The following NDUFB6 variants were observed in gnomAD, a reference collection of about 807,000 sequenced individuals.
NDUFB6 encodes NADH dehydrogenase [ubiquinone] 1 beta subcomplex subunit 6.
A neutral mutation model predicts 17.5 loss-of-function variants in NDUFB6; 23 were observed. The ratio of observed to expected loss-of-function variants is 1.31; its 90% CI spans 0.94 to 1.86. The LOEUF is 1.86. NDUFB6 is among the 40% of genes most tolerant of loss of function. The probability of loss-of-function intolerance (pLI) is 0.00; values close to 1 mark genes in which losing one functional copy is unlikely to be tolerated. For synonymous variants in NDUFB6, 60 were observed against 53.5 expected, an observed-to-expected ratio of 1.12 and a Z score of -0.53; for missense variants, 167 against 153.8, an observed-to-expected ratio of 1.09 and a Z score of -0.46.
At chr9:32,556,458 TCAA>T (rs1341066279) in intron 3 of NDUFB6, among the ~76,000 whole-genome samples, 1 of 152,224 alleles carries the variant, frequency 6.6e-6, no homozygotes, top group Non-Finnish European at 1.5e-5. Flanking sequence ...GTCTGTGATG[TCAA>T]CAAGAAATAA....
At chr9:32,556,091 G>A (rs78722312) in intron 3 of NDUFB6, among the ~76,000 whole-genome samples, 1 of 27,530 alleles carries the variant, frequency 3.6e-5, no homozygotes, top group Non-Finnish European at 9.8e-5. Flanking sequence ...ATTTGGGGCC[G>A]GGGTGCAATG....
intron 3 of NDUFB6, among the ~76,000 whole-genome samples, chr9:32,558,590 T>A (rs1198076754): frequency 6.6e-6 from 1 of 152,212 alleles, no homozygotes; most frequent in South Asian, 2.1e-4. Context: ...CTAAGCTCTT[T>A]ACCCAACATG....
chr9:32,560,187 C>T (rs553540972), intron 2 of NDUFB6, among the ~76,000 whole-genome samples: 9 of 152,312 alleles, frequency 5.9e-5, no homozygotes, highest in African/African-American at 2.2e-4. Context: ...CAATCCTTTA[C>T]CTACCAAAAT....
At chr9:32,557,456 C>T (rs1353033769) in intron 3 of NDUFB6, among the ~76,000 whole-genome samples, 1 of 151,220 alleles carries the variant, frequency 6.6e-6, no homozygotes, top group Non-Finnish European at 1.5e-5. Flanking sequence ...GGCATGAGCC[C>T]CCGATACCCC....
intron 2 of NDUFB6, chr9:32,568,742 A>ATTTTTT (rs1337982976): frequency 8.4e-6 from 1 of 119,584 alleles, no homozygotes; most frequent in African/African-American, 3.6e-5. Flanking sequence ...ATATATATAT[A>ATTTTTT]TATATATTTT....
intron 2 of NDUFB6, chr9:32,566,565 G>A (rs1821796206): frequency 1.3e-6 from 1 of 780,608 alleles, no homozygotes; most frequent in African/African-American, 1.7e-5. Flanking sequence ...GTACTGCACA[G>A]ACTGGAGCTT....
At chr9:32,554,829 T>C (rs1393833139) in intron 3 of NDUFB6, among the ~76,000 whole-genome samples, 1 of 152,132 alleles carries the variant, frequency 6.6e-6, no homozygotes, top group Non-Finnish European at 1.5e-5. Context: ...AAGATAAAGA[T>C]GGAAACAAAA....
intron 3 of NDUFB6, among the ~76,000 whole-genome samples, chr9:32,556,349 C>G (rs1010201114): frequency 6.6e-6 from 1 of 152,168 alleles, no homozygotes; most frequent in Non-Finnish European, 1.5e-5. Context: ...TAAAAATCAT[C>G]CCCTGAGACA....
intron 2 of NDUFB6, among the ~76,000 whole-genome samples, chr9:32,565,026 C>T (rs757862453): frequency 1.3e-5 from 2 of 152,170 alleles, no homozygotes; most frequent in African/African-American, 2.4e-5. Context: ...GGTGCGGTGG[C>T]TCACGCTTGT....
intron 2 of NDUFB6, chr9:32,566,794 G>T (rs1821805142): frequency 1.1e-6 from 1 of 917,238 alleles, no homozygotes; most frequent in East Asian, 2.7e-5. Flanking sequence ...ACGTTGTACA[G>T]GAGGTCGGCC....
chr9:32,572,919 T>A lies in NDUFB6; in HGVS notation c.142A>T (p.Asn48Tyr), dbSNP rs757848097. 3 of 1,605,052 alleles carry A rather than the reference T, an allele frequency of 1.9e-6. No individual in the cohort carries two copies. Among genetic ancestry groups the A allele is most frequent in the Admixed American group, 3.4e-5 (2 of 58,462 alleles). ...GGGGATTTATTCTCCAAAAATTTAT[T>A]CCAGAATTTCTCCATAGGCCCCATC... Reference protein sequence around the residue: ...QKMGPMEKFWNKFLENKSPWR... With the variant: ...QKMGPMEKFWYKFLENKSPWR... The change falls in exon 1 of 4, where the codon AAT becomes TAT. Residue 48 changes from asparagine to tyrosine, a missense_variant. Asn to Tyr is a moderately radical substitution (Grantham distance 143). Coordinates refer to ENST00000379847, the MANE Select transcript of NDUFB6 (RefSeq NM_002493.5).
At chr9:32,572,689 T>G (rs756226652) in intron 1 of NDUFB6, among the ~76,000 whole-genome samples, 192 bp downstream of exon 1, 1 of 152,152 alleles carries the variant, frequency 6.6e-6, no homozygotes, top group East Asian at 1.9e-4. Context: ...AAAGGCATGA[T>G]TCTCTCAAAG....
intron 3 of NDUFB6, among the ~76,000 whole-genome samples, chr9:32,554,440 G>A: frequency 6.6e-6 from 1 of 152,206 alleles, no homozygotes; most frequent in Non-Finnish European, 1.5e-5. Flanking sequence ...GGGCAAAAAG[G>A]CATGGGCATT....
intron 2 of NDUFB6, among the ~76,000 whole-genome samples, chr9:32,563,391 G>T (rs953009768): frequency 6.6e-6 from 1 of 151,390 alleles, no homozygotes; most frequent in African/African-American, 2.4e-5. Flanking sequence ...AGGATGGCTG[G>T]AGTACAGTGG....
At chr9:32,572,779 G>C in intron 1 of NDUFB6, 102 bp downstream of exon 1, 1 of 1,105,112 alleles carries the variant, frequency 9.0e-7, no homozygotes, top group Non-Finnish European at 1.3e-6. Context: ...AGCACTGAGC[G>C]TTATCAGTCC....
At chr9:32,563,553 G>A (rs1273293051) in intron 2 of NDUFB6, among the ~76,000 whole-genome samples, 1 of 137,930 alleles carries the variant, frequency 7.3e-6, no homozygotes, top group Non-Finnish European at 1.5e-5. Flanking sequence ...CAAACTCTTG[G>A]CCTCAAGCAG....
chr9:32,559,399 A>G (rs1159146180), intron 2 of NDUFB6, among the ~76,000 whole-genome samples: 1 of 152,212 alleles, frequency 6.6e-6, no homozygotes, highest in East Asian at 1.9e-4. Context: ...TCCTATGCAA[A>G]TGAAAAGTCT....
At chr9:32,568,352 T>C in intron 2 of NDUFB6, 1 of 225,518 alleles carries the variant, frequency 4.4e-6, no homozygotes, top group Non-Finnish European at 9.5e-6. Flanking sequence ...ATGATAAAGC[T>C]TGATAGATGA....
intron 2 of NDUFB6, among the ~76,000 whole-genome samples, chr9:32,564,574 G>T (rs1821724313): frequency 6.6e-6 from 1 of 151,886 alleles, no homozygotes; most frequent in African/African-American, 2.4e-5. Context: ...AAAAATTCAA[G>T]TATCATAAAA....
Sources: allele counts gnomAD v4.1 joint callset (sites outside exome capture counted in the v4.1 genomes callset), GRCh38; gene constraint gnomAD v4.1.1; transcripts MANE v1.5; gene names NCBI Gene and HGNC (gene_info 2026-07-23, HGNC 2026-07-21).